Variants in USP24 observed in about 807,000 individuals in gnomAD.
USP24 encodes ubiquitin specific peptidase 24.
USP24 carries 97 observed loss-of-function variants against 361.6 expected under a neutral mutation model. That is an observed-to-expected ratio of 0.27 (90% CI 0.23 to 0.32). USP24 has a LOEUF of 0.32. Among genes scored for constraint, USP24 ranks in the 10% least tolerant of loss-of-function variants. The probability of loss-of-function intolerance (pLI) is 1.00; values close to 1 mark genes in which losing one functional copy is unlikely to be tolerated. For missense variants in USP24, 2,353 were observed against 3,165.6 expected, an observed-to-expected ratio of 0.74 and a Z score of 6.16; for synonymous variants, 1,098 against 1,124.6, an observed-to-expected ratio of 0.98 and a Z score of 0.47.
At chr1:55,117,145 T>TA (rs947578934) in intron 38 of USP24, among the ~76,000 whole-genome samples, 67 of 152,172 alleles carry the variant, frequency 4.4e-4, no homozygotes, top group Non-Finnish European at 9.3e-4. Context: ...ACTTTCATGA[T>TA]AAAAACACTT....
At chr1:55,118,580 A>G (rs545974560) in intron 38 of USP24, among the ~76,000 whole-genome samples, 1 of 152,344 alleles carries the variant, frequency 6.6e-6, no homozygotes, top group East Asian at 1.9e-4. Context: ...AAACACAGGT[A>G]ACTAAAGAGA....
intron 38 of USP24, among the ~76,000 whole-genome samples, chr1:55,112,627 C>T (rs964289805): frequency 3.9e-5 from 6 of 152,072 alleles, no homozygotes; most frequent in Non-Finnish European, 7.4e-5. Flanking sequence ...GATTGCACTG[C>T]GGTCTGAGAG....
intron 1 of USP24, among the ~76,000 whole-genome samples, chr1:55,212,839 T>C (rs747185460): frequency 7.9e-5 from 12 of 152,174 alleles, no homozygotes; most frequent in South Asian, 2.1e-4. Context: ...AAATGAGGAC[T>C]TGATGCACTG....
intron 38 of USP24, among the ~76,000 whole-genome samples, chr1:55,113,019 T>C (rs1272925360): frequency 1.3e-5 from 2 of 152,210 alleles, no homozygotes; most frequent in Non-Finnish European, 2.9e-5. Flanking sequence ...CATTGTGTAA[T>C]GCCCTTCTTT....
rs1476950397 is a variant in USP24, at chr1:55,100,964, A to G, written c.5146T>C (p.Ser1716Pro). ...GTGTCATCATCCACTGAAAGTAATG[A>G]CTGCACAGAAAAGAAACATATCAAG... Reference protein sequence around the residue: ...QLYMQPGLPESLLSVDDDTDN... With the variant: ...QLYMQPGLPEPLLSVDDDTDN... The change falls in exon 44 of 68, where the codon TCA becomes CCA. Residue 1716 changes from serine (S) to proline (P), a missense_variant and splice_region_variant. Coordinates refer to ENST00000294383, the MANE Select transcript of USP24 (RefSeq NM_015306.3). 1 of 1,609,104 alleles carries G rather than the reference A, an allele frequency of 6.2e-7. No homozygotes were observed. The highest frequency in any genetic ancestry group is 8.5e-7 in the Non-Finnish European group (1 of 1,178,710).
Position 55,068,947 on chromosome 1 carries a change from A to G in USP24, c.*98T>C. The G allele has an allele frequency of 7.5e-7, 1 of 1,329,304 alleles. No homozygotes were observed. The highest frequency in any genetic ancestry group is 1.1e-6 in the Non-Finnish European group (1 of 933,976). The allele number at this position is 1,329,304 out of a possible 1,614,324, so 82.3% of individuals were successfully genotyped here. ...AAGTCACAGCAGCTTTCCCAGTCCA[A>G]TCTCCAGGCTCTTCCAAAGGGTTCG... On this transcript the variant is annotated 3_prime_UTR_variant, in exon 68 of 68. Transcript: ENST00000294383.
chr1:55,178,269 C>T lies in USP24; in HGVS notation c.325-137G>A. ...ATAGCATGGATTCTACCTTTCTTTC[C>T]TATAATCACATCTTTCACCAAGAAT... On this transcript the variant is annotated intron_variant, in intron 1 of 67. Coordinates refer to ENST00000294383, the MANE Select transcript of USP24 (RefSeq NM_015306.3). 3.3e-6 allele frequency: 3 copies of T among 910,752 alleles called. No homozygotes were observed. The South Asian group carries it at 4.9e-5, about 15-fold the overall frequency. The allele number at this position is 910,752 out of a possible 1,614,324, so 56.4% of individuals were successfully genotyped here.
At chr1:55,196,515 GC>G (rs965003849) in intron 1 of USP24, among the ~76,000 whole-genome samples, 1 of 151,362 alleles carries the variant, frequency 6.6e-6, no homozygotes, top group Admixed American at 6.6e-5. Flanking sequence ...ACCAATTTCC[GC>G]CCCCCCAATA....
At chr1:55,209,800 C>T (rs1302675665) in intron 1 of USP24, among the ~76,000 whole-genome samples, 4 of 151,800 alleles carry the variant, frequency 2.6e-5, no homozygotes, top group Non-Finnish European at 2.9e-5. Flanking sequence ...AGGAAAATTT[C>T]CAGGAAAACT....
In USP24 at chr1:55,083,295, C is replaced by T. The variant is rs768830693; in HGVS notation, c.6952G>A (p.Gly2318Arg). ...ACCTGATTGTTTTGCCGACTGGCCC[C>T]TAGGAGGAAGCTGATCATGTGCCGC... ...ALRHMISFLL[G>R]ASRQNNQIRR... is the part of the protein sequence containing the mutation. Residue 2318 changes from glycine to arginine, a missense_variant, in exon 58 of 68, where the codon GGG becomes AGG. Coordinates refer to ENST00000294383, the MANE Select transcript of USP24 (RefSeq NM_015306.3). 6.2e-7 allele frequency: 1 copy of T among 1,613,682 alleles called. No individual in the cohort carries two copies. Among genetic ancestry groups the T allele is most frequent in the Non-Finnish European group, 8.5e-7 (1 of 1,179,674 alleles).
At chr1:55,210,607 A>G (rs1236874942) in intron 1 of USP24, among the ~76,000 whole-genome samples, 1 of 152,220 alleles carries the variant, frequency 6.6e-6, no homozygotes, top group East Asian at 1.9e-4. Context: ...CCAAAGGGGA[A>G]CAAGAGAAAT....
chr1:55,191,990 A>G (rs939547953), intron 1 of USP24, among the ~76,000 whole-genome samples: 2 of 152,210 alleles, frequency 1.3e-5, no homozygotes, highest in African/African-American at 4.8e-5. Flanking sequence ...TGCTATCCAT[A>G]TCCAGAAACT....
intron 38 of USP24, among the ~76,000 whole-genome samples, chr1:55,115,547 G>A (rs1370438275): frequency 6.7e-6 from 1 of 149,406 alleles, no homozygotes; most frequent in East Asian, 2.0e-4. Flanking sequence ...AGGATATGGT[G>A]AAACACTTTT....
Position 55,068,962 on chromosome 1 carries a change from C to T in USP24, c.*83G>A. The T allele has an allele frequency of 6.8e-7, 1 of 1,477,334 alleles. No individual in the cohort carries two copies. Among genetic ancestry groups the T allele is most frequent in the Non-Finnish European group, 9.4e-7 (1 of 1,058,952 alleles). The allele number at this position is 1,477,334 out of a possible 1,614,324, so 91.5% of individuals were successfully genotyped here. The stretch of plus-strand genomic sequence containing the variant: ...TCCCAGTCCAATCTCCAGGCTCTTC[C>T]AAAGGGTTCGAGATTCTGATTCCAA... On this transcript the variant is annotated 3_prime_UTR_variant, in exon 68 of 68. Coordinates refer to ENST00000294383, the MANE Select transcript of USP24 (RefSeq NM_015306.3).
At chr1:55,072,718 T>C (rs1165828167) in intron 65 of USP24, 68 bp downstream of exon 65, 16 of 1,451,170 alleles carry the variant, frequency 1.1e-5, no homozygotes, top group African/African-American at 1.4e-5. Context: ...GTTCTAGAGA[T>C]TTTTCCTGAC....
chr1:55,206,691 G>A (rs1644715527), intron 1 of USP24, among the ~76,000 whole-genome samples: 1 of 147,054 alleles, frequency 6.8e-6, no homozygotes, highest in South Asian at 2.1e-4. Flanking sequence ...GGGGGCATGA[G>A]CCAAAACCAG....
At position 55,104,018 on chromosome 1, in the gene USP24, C is replaced by T; in HGVS notation, c.4883G>A (p.Cys1628Tyr). 6.3e-7 allele frequency: 1 copy of T among 1,599,814 alleles called. No homozygotes were observed. The highest frequency in any genetic ancestry group is 8.5e-7 in the Non-Finnish European group (1 of 1,173,604). ...AISQQDFHPK[C>Y]STANSRLAAY... ...TGCCAATCGGCTATTCGCTGTACTA[C>T]ACCTAGAAACAAAAGACACAAGTCA... The change falls in exon 42 of 68, where the codon TGT (cysteine) becomes TAT (tyrosine). Residue 1628 changes from cysteine to tyrosine, a missense_variant and splice_region_variant. Coordinates refer to ENST00000294383, the MANE Select transcript of USP24 (RefSeq NM_015306.3).
Position 55,157,361 on chromosome 1 carries a change from G to A in USP24, c.1237C>T (p.Leu413=). ...KMNSLKEVTK[L]IEDSTLSKSV... is the part of the protein sequence containing the mutation. ...TTGGATAAAGTGCTATCTTCTATTAGTTTGGTTACCTAAAAAGATAAGATT... is the reference window on the plus strand; with the variant it reads ...TTGGATAAAGTGCTATCTTCTATTAATTTGGTTACCTAAAAAGATAAGATT... The change falls in exon 11 of 68, where the codon CTA becomes TTA. Residue 413 remains leucine, a synonymous_variant. Transcript: ENST00000294383. The A allele has an allele frequency of 2.5e-6, 4 of 1,572,478 alleles. No individual in the cohort carries two copies. The highest frequency in any genetic ancestry group is 1.9e-5 in the Admixed American group (1 of 51,884).
intron 30 of USP24, 85 bp from the exon 31 acceptor site, chr1:55,132,785 C>T: frequency 7.5e-7 from 1 of 1,341,738 alleles, no homozygotes; most frequent in Admixed American, 2.8e-5. Context: ...TCCTAATATT[C>T]TTTCCCTCTT....
Sources: gnomAD v4.1 joint callset for allele counts (sites outside exome capture counted in the v4.1 genomes callset) on GRCh38, gnomAD v4.1.1 for gene constraint, MANE v1.5 for transcripts, NCBI Gene and HGNC (gene_info 2026-07-23, HGNC 2026-07-21) for gene names.